Variants in C6orf163 observed in about 807,000 individuals in gnomAD.
C6orf163 encodes chromosome 6 open reading frame 163.
In C6orf163, 22 loss-of-function variants were observed where a neutral mutation model predicts 28.4. The observed-to-expected ratio is 0.78, with a 90% CI of 0.55 to 1.11. The LOEUF (loss-of-function observed/expected upper bound fraction) is 1.11, where lower values mean the gene tolerates loss of function less well. Ranked by LOEUF, C6orf163 falls within the 50% of genes least tolerant of loss-of-function variation. The pLI is 0.00. For missense variants in C6orf163, 342 were observed against 389.1 expected, an observed-to-expected ratio of 0.88 and a Z score of 1.02; for synonymous variants, 110 against 123.6, an observed-to-expected ratio of 0.89 and a Z score of 0.73.
intron 1 of C6orf163, chr6:87,348,307 A>G (rs1274915607): frequency 1.0e-6 from 1 of 985,552 alleles, no homozygotes; most frequent in Non-Finnish European, 1.2e-6. Context: ...CATTGACAGA[A>G]AAATAGTAAA....
chr6:87,348,745 A>G lies in C6orf163; in HGVS notation c.149-67A>G, dbSNP rs1258542364. 2.0e-6 allele frequency: 3 copies of G among 1,521,566 alleles called. No individual in the cohort carries two copies. The African/African-American group carries it at 4.2e-5, about 21-fold the overall frequency. 94.3% of individuals were successfully genotyped at this position (1,521,566 alleles called of 1,614,324 possible). A position where few individuals can be genotyped will look rare whatever the true frequency, so the allele number is the denominator to read the frequency against. ...AAATAGCCCTCATAAATAACTAGAT[A>G]ATGGTGGAAAGGAAAGCCAGGAAGC... On this transcript the variant is annotated intron_variant, in intron 1 of 4. Transcript: ENST00000388923.
At position 87,345,252 on chromosome 6, in the gene C6orf163, G is replaced by T. The variant is rs1164513309; in HGVS notation, c.148+5G>T. On this transcript the variant is annotated splice_donor_5th_base_variant and intron_variant, in intron 1 of 4. Transcript: ENST00000388923. ...ACACTCACAAAGACATACTAGGTAA[G>T]TGACTTTATCGTTTTCCTTTGTTCT... The T allele has an allele frequency of 1.3e-6, 2 of 1,514,228 alleles. No homozygotes were observed. Among genetic ancestry groups the T allele is most frequent in the Admixed American group, 2.3e-5 (1 of 44,180 alleles). 93.8% of individuals were successfully genotyped at this position (1,514,228 alleles called of 1,614,324 possible).
rs1777305084 is a variant in C6orf163, at chr6:87,345,236, A to G, written c.137A>G (p.Lys46Arg). Residue 46 changes from lysine (K) to arginine (R), a missense_variant, in exon 1 of 5, where the codon AAA becomes AGA. Transcript: ENST00000388923. The part of the protein sequence containing the change: ...KPLKTRFYTH[K>R]DILDIGANIL... ...CTTAAGACACGCTTTTACACTCACAAAGACATACTAGGTAAGTGACTTTAT... is the reference window on the plus strand; with the variant it reads ...CTTAAGACACGCTTTTACACTCACAGAGACATACTAGGTAAGTGACTTTAT... The G allele has an allele frequency of 1.3e-6, 2 of 1,525,894 alleles. No individual in the cohort carries two copies. Among genetic ancestry groups the G allele is most frequent in the Non-Finnish European group, 1.7e-6 (2 of 1,144,020 alleles). 94.5% of individuals were successfully genotyped at this position (1,525,894 alleles called of 1,614,324 possible). A position where few individuals can be genotyped will look rare whatever the true frequency, so the allele number is the denominator to read the frequency against.
chr6:87,348,738 A>C, intron 1 of C6orf163, 74 bp from the exon 2 acceptor site: 1 of 1,512,504 alleles, frequency 6.6e-7, no homozygotes, highest in Non-Finnish European at 8.8e-7. Flanking sequence ...CTCATAAATA[A>C]CTAGATAATG....
chr6:87,364,449 C>A (rs979218734), intron 4 of C6orf163, among the ~76,000 whole-genome samples: 1 of 152,034 alleles, frequency 6.6e-6, no homozygotes, highest in Non-Finnish European at 1.5e-5. Context: ...TTGGCTTCCT[C>A]GATAATTTTG....
rs1242720088 is a variant in C6orf163 at position 87,348,922 on chromosome 6, T to C, written c.243+16T>C. The C allele has an allele frequency of 8.5e-6, 13 of 1,536,172 alleles. No homozygotes were observed. The Admixed American group carries it at 2.4e-4, about 28-fold the overall frequency. ...ATGGGCTCAGGTAAAAGAAGTTACA[T>C]GTCAACCTAAAGTCCATCTTTACCG... is the stretch of plus-strand genomic sequence containing the variant. On this transcript the variant is annotated intron_variant, in intron 2 of 4. Transcript: ENST00000388923.
In C6orf163 at chr6:87,345,126, CT is replaced by C. The variant is rs1361380748; in HGVS notation, c.30del (p.Phe10LeufsTer10). 1 of 1,530,798 alleles carries C rather than the reference CT, an allele frequency of 6.5e-7. No homozygotes were observed. Among genetic ancestry groups the C allele is most frequent in the Non-Finnish European group, 8.7e-7 (1 of 1,145,094 alleles). 94.8% of individuals were successfully genotyped at this position (1,530,798 alleles called of 1,614,324 possible). On this transcript the variant is annotated frameshift_variant, in exon 1 of 5. Coordinates refer to ENST00000388923, the MANE Select transcript of C6orf163 (RefSeq NM_001010868.3). LOFTEE classifies it high-confidence loss of function. The stretch of plus-strand genomic sequence containing the variant: ...TGATCAGAAATTCAGATTACAAAAA[CT>C]TTGTTTGCTGTGCTGTTTGTAATAA... The part of the protein sequence containing the change: MIRNSDYKN[F>X]VCCAVCNKII...
chr6:87,345,019 T>C lies in C6orf163; in HGVS notation c.-81T>C. The C allele has an allele frequency of 8.4e-7, 1 of 1,191,838 alleles. No individual in the cohort carries two copies. The highest frequency in any genetic ancestry group is 1.1e-6 in the Non-Finnish European group (1 of 870,638). The allele number at this position is 1,191,838 out of a possible 1,614,324, so 73.8% of individuals were successfully genotyped here. ...TGAACCTCTTCCAGCTTTCTTAAAC[T>C]TTCAGCTTTTCTTGAAACGACTTTT... is the stretch of plus-strand genomic sequence containing the variant. On this transcript the variant is annotated 5_prime_UTR_variant, in exon 1 of 5. Transcript: ENST00000388923.
chr6:87,364,025 T>C (rs1329775106), intron 4 of C6orf163, among the ~76,000 whole-genome samples: 1 of 152,210 alleles, frequency 6.6e-6, no homozygotes, highest in Non-Finnish European at 1.5e-5. Context: ...GGCTTATACC[T>C]GTAATCCCAG....
At chr6:87,364,411 G>A (rs919449170) in intron 4 of C6orf163, among the ~76,000 whole-genome samples, 1 of 151,998 alleles carries the variant, frequency 6.6e-6, no homozygotes, top group Non-Finnish European at 1.5e-5. Flanking sequence ...TAATGTCAAT[G>A]CCTATAACTC....
Position 87,348,838 on chromosome 6 carries a change from G to T in C6orf163, c.175G>T (p.Glu59Ter), listed in dbSNP as rs1562228791. The T allele has an allele frequency of 1.3e-6, 2 of 1,537,404 alleles. No homozygotes were observed. Among genetic ancestry groups the T allele is most frequent in the Non-Finnish European group, 1.7e-6 (2 of 1,146,896 alleles). The change falls in exon 2 of 5, where the codon GAA becomes TAA. Residue 59 changes from glutamate (E) to a stop codon, truncating the protein, a stop_gained. Coordinates refer to ENST00000388923, the MANE Select transcript of C6orf163 (RefSeq NM_001010868.3). LOFTEE classifies it high-confidence loss of function. ...LDIGANILKK[E>*]EQFQEDILRE... Reference sequence around the variant, plus strand: ...TATTGGGGCAAATATTCTGAAAAAAGAAGAGCAGTTTCAAGAAGATATACT... The same window carrying T: ...TATTGGGGCAAATATTCTGAAAAAATAAGAGCAGTTTCAAGAAGATATACT...
Position 87,365,311 on chromosome 6 carries a change from C to T in C6orf163, c.905C>T (p.Pro302Leu), listed in dbSNP as rs1446470955. 1.3e-6 allele frequency: 2 copies of T among 1,551,470 alleles called. No individual in the cohort carries two copies. Among genetic ancestry groups the T allele is most frequent in the Non-Finnish European group, 1.7e-6 (2 of 1,146,798 alleles). ...AATTATACCTTTCCTAAGCTTTCAC[C>T]AGGACATGCAGATTTTATTCTGCCA... ...YINYTFPKLS[P>L]GHADFILPER... The change falls in exon 5 of 5, where the codon CCA becomes CTA. Residue 302 changes from proline to leucine, a missense_variant. Physicochemically the swap from Pro to Leu is moderately conservative, Grantham distance 98. Coordinates refer to ENST00000388923, the MANE Select transcript of C6orf163 (RefSeq NM_001010868.3).
Position 87,365,425 on chromosome 6 carries a change from A to ATATTTCAATGTTTGG in C6orf163, c.*29_*30insTATTTCAATGTTTGG. 7.5e-7 allele frequency: 1 copy of ATATTTCAATGTTTGG among 1,334,792 alleles called. No individual in the cohort carries two copies. Among genetic ancestry groups the ATATTTCAATGTTTGG allele is most frequent in the South Asian group, 1.4e-5 (1 of 69,680 alleles). The allele number at this position is 1,334,792 out of a possible 1,614,324, so 82.7% of individuals were successfully genotyped here. A position where few individuals can be genotyped will look rare whatever the true frequency, so the allele number is the denominator to read the frequency against. On this transcript the variant is annotated 3_prime_UTR_variant, in exon 5 of 5. Transcript: ENST00000388923. ...TCTTCAGTTGAAATTCCACTACAAA[A>ATATTTCAATGTTTGG]GACATCATTCCAGACTAAATAAATT... is the stretch of plus-strand genomic sequence containing the variant.
At chr6:87,348,091 G>T in intron 1 of C6orf163, 1 of 644,600 alleles carries the variant, frequency 1.6e-6, no homozygotes, top group South Asian at 6.8e-5. Flanking sequence ...GGAGGCGGAG[G>T]TTGCAGTGAG....
At chr6:87,357,274 T>C (rs2127933952) in intron 4 of C6orf163, 1 of 152,308 alleles carries the variant, frequency 6.6e-6, no homozygotes, top group South Asian at 2.1e-4. Flanking sequence ...TCAGGGATTG[T>C]CAGGTGCAAG....
At chr6:87,357,516 G>A (rs1777523016) in intron 4 of C6orf163, 1 of 152,184 alleles carries the variant, frequency 6.6e-6, no homozygotes, top group Non-Finnish European at 1.5e-5. Context: ...GATCCTGGAG[G>A]AGGTACAGAT....
chr6:87,360,999 G>A (rs1363569526), intron 4 of C6orf163, among the ~76,000 whole-genome samples: 1 of 152,112 alleles, frequency 6.6e-6, no homozygotes, highest in Non-Finnish European at 1.5e-5. Context: ...AAGCACTAAG[G>A]CAGGCTGGGA....
chr6:87,347,013 GT>G (rs1261472382), intron 1 of C6orf163, among the ~76,000 whole-genome samples: 1 of 152,106 alleles, frequency 6.6e-6, no homozygotes, highest in Non-Finnish European at 1.5e-5. Context: ...CCGGCATAGA[GT>G]TTTATGAAAT....
At chr6:87,351,645 C>T (rs529192456) in intron 3 of C6orf163, among the ~76,000 whole-genome samples, 3 of 152,340 alleles carry the variant, frequency 2.0e-5, no homozygotes, top group Admixed American at 2.0e-4. Flanking sequence ...GGCAGGCCTG[C>T]TCTTCAGCTG....
Sources: allele counts gnomAD v4.1 joint callset (sites outside exome capture counted in the v4.1 genomes callset), GRCh38; gene constraint gnomAD v4.1.1; transcripts MANE v1.5; gene names NCBI Gene and HGNC (gene_info 2026-07-23, HGNC 2026-07-21).